The following ATP9B variants were observed in gnomAD, a reference collection of about 807,000 sequenced individuals.
ATP9B encodes probable phospholipid-transporting ATPase IIB.
In ATP9B, 110 loss-of-function variants were observed where a neutral mutation model predicts 146.1. The observed-to-expected ratio is 0.75, with a 90% CI of 0.65 to 0.88. The LOEUF (loss-of-function observed/expected upper bound fraction) is 0.88, where lower values mean the gene tolerates loss of function less well. Among genes scored for constraint, ATP9B ranks in the 40% least tolerant of loss-of-function variants. ATP9B has a pLI of 0.00. For missense variants in ATP9B, 1,499 were observed against 1,496.4 expected, an observed-to-expected ratio of 1.00 and a Z score of -0.03; for synonymous variants, 604 against 569.7, an observed-to-expected ratio of 1.06 and a Z score of -0.86.
At chr18:79,240,007 G>A (rs2095874350) in intron 11 of ATP9B, among the ~76,000 whole-genome samples, 1 of 152,180 alleles carries the variant, frequency 6.6e-6, no homozygotes, top group East Asian at 1.9e-4. Flanking sequence ...GCAGTCCCAA[G>A]CTTGCCTGCG....
At chr18:79,168,153 A>T (rs558260589) in intron 7 of ATP9B, among the ~76,000 whole-genome samples, 1 of 152,152 alleles carries the variant, frequency 6.6e-6, no homozygotes, top group Non-Finnish European at 1.5e-5. Flanking sequence ...CATCACATTG[A>T]CCAGAAAGTG....
intron 11 of ATP9B, among the ~76,000 whole-genome samples, chr18:79,222,048 C>T (rs2095685444): frequency 6.6e-6 from 1 of 152,076 alleles, no homozygotes; most frequent in African/African-American, 2.4e-5. Flanking sequence ...CTTGCCTATC[C>T]TGTAGTTACA....
rs551530672 is a variant in ATP9B, at chr18:79,330,938, A to G, written c.2028+834A>G. 3.3e-5 allele frequency among the ~76,000 whole-genome samples: 5 copies of G among 152,352 alleles called. No homozygotes were observed. In the East Asian group the frequency reaches 9.6e-4, roughly 29 times the overall value. On this transcript the variant is annotated intron_variant, in intron 17 of 29. Transcript: ENST00000426216. ...TTGCAAGATTTTCTTTAGAATTTTA[A>G]CCTAATGCTAATTTGTGCATAAGGT...
At chr18:79,289,569 T>A (rs966070155) in intron 13 of ATP9B, among the ~76,000 whole-genome samples, 1 of 152,236 alleles carries the variant, frequency 6.6e-6, no homozygotes, top group Admixed American at 6.5e-5. Context: ...AATTTCCTCC[T>A]GTAGCTCAGA....
At chr18:79,307,968 A>C (rs941311276) in intron 15 of ATP9B, among the ~76,000 whole-genome samples, 5 of 152,184 alleles carry the variant, frequency 3.3e-5, no homozygotes, top group Non-Finnish European at 7.4e-5. Flanking sequence ...TCATATACAT[A>C]AATAATTGGT....
At chr18:79,330,285 A>G (rs541207286) in intron 17 of ATP9B, among the ~76,000 whole-genome samples, 181 bp downstream of exon 17, 1 of 152,336 alleles carries the variant, frequency 6.6e-6, no homozygotes, top group Admixed American at 6.5e-5. Flanking sequence ...CAAAATGTCA[A>G]ACCAGATGCT....
intron 13 of ATP9B, among the ~76,000 whole-genome samples, chr18:79,293,162 G>T (rs1467601254): frequency 6.6e-6 from 1 of 150,678 alleles, no homozygotes; most frequent in Non-Finnish European, 1.5e-5. Flanking sequence ...AAATGAAGTT[G>T]GATACTTATC....
At chr18:79,288,006 T>C (rs889337210) in intron 13 of ATP9B, among the ~76,000 whole-genome samples, 7 of 151,908 alleles carry the variant, frequency 4.6e-5, no homozygotes, top group African/African-American at 1.7e-4. Context: ...TTCTGTTCTT[T>C]TACATTTGCT....
chr18:79,308,656 T>C (rs112599594), intron 15 of ATP9B, among the ~76,000 whole-genome samples: 298 of 123,700 alleles, frequency 2.4e-3, no homozygotes, highest in Middle Eastern at 9.2e-3. Context: ...TGATCCCCAG[T>C]AGGTAGAAGG....
At chr18:79,132,273 T>C (rs1355497430) in intron 5 of ATP9B, among the ~76,000 whole-genome samples, 1 of 152,346 alleles carries the variant, frequency 6.6e-6, no homozygotes, top group South Asian at 2.1e-4. Flanking sequence ...TTAGCCATCA[T>C]TGCTGGTCAT....
intron 9 of ATP9B, among the ~76,000 whole-genome samples, chr18:79,205,328 T>A (rs7231432): frequency 1.4e-4 from 9 of 64,550 alleles, no homozygotes; most frequent in Non-Finnish European, 2.8e-4. Context: ...GCAAATATCT[T>A]CCAAGTAATG....
chr18:79,134,078 T>A (rs1482547812), intron 5 of ATP9B, among the ~76,000 whole-genome samples: 1 of 152,210 alleles, frequency 6.6e-6, no homozygotes, highest in African/African-American at 2.4e-5. Context: ...ACTCTCCAGC[T>A]CCCTGTGGCC....
chr18:79,214,119 C>A, intron 11 of ATP9B, 81 bp downstream of exon 11: 1 of 947,936 alleles, frequency 1.1e-6, no homozygotes, highest in Admixed American at 3.2e-5. Flanking sequence ...CTGAATAGCT[C>A]ATTCTTTTGG....
intron 1 of ATP9B, among the ~76,000 whole-genome samples, chr18:79,070,437 G>A (rs896340140): frequency 6.6e-6 from 1 of 152,170 alleles, no homozygotes; most frequent in Non-Finnish European, 1.5e-5. Context: ...CTCAAGCCAT[G>A]GTTTCCTCAT....
At chr18:79,158,748 G>T (rs117607799) in intron 7 of ATP9B, among the ~76,000 whole-genome samples, 1 of 152,138 alleles carries the variant, frequency 6.6e-6, no homozygotes, top group African/African-American at 2.4e-5. Flanking sequence ...TGTGAAAAAT[G>T]TCCTAACATA....
At chr18:79,238,221 A>G (rs2051425738) in intron 11 of ATP9B, among the ~76,000 whole-genome samples, 1 of 151,614 alleles carries the variant, frequency 6.6e-6, no homozygotes, top group Non-Finnish European at 1.5e-5. Flanking sequence ...GAAATTTACC[A>G]TGACTGGATA....
rs202092184 is a variant in ATP9B, at chr18:79,345,848, G to A, written c.2682+9G>A. ...TTGGGATTGAGGGAAAGGTAGGTTC[G>A]CCCTTTTATCAACACATTAGCACAC... On this transcript the variant is annotated intron_variant, in intron 23 of 29. Coordinates refer to ENST00000426216, the MANE Select transcript of ATP9B (RefSeq NM_198531.5). 1.5e-4 allele frequency: 235 copies of A among 1,614,064 alleles called. 1 individual carries two copies. In the African/African-American group the frequency reaches 2.5e-3, roughly 17 times the overall value.
intron 1 of ATP9B, 127 bp from the exon 2 acceptor site, chr18:79,096,349 A>G: frequency 2.3e-6 from 2 of 865,250 alleles, no homozygotes; most frequent in Non-Finnish European, 3.6e-6. Context: ...CAGCCTCTGC[A>G]GTCTTATTTA....
rs187752734 is a variant in ATP9B, at chr18:79,223,457, T to C, written c.1107+9419T>C. ...CTTATTTTAAAATGTGCCCATGTGC[T>C]TCACCAAAGAGCTACATATTGTAGA... On this transcript the variant is annotated intron_variant, in intron 11 of 29. Transcript: ENST00000426216. Among the ~76,000 whole-genome samples the C allele has an allele frequency of 7.9e-5, 12 of 152,344 alleles. No individual in the cohort carries two copies. In the East Asian group the frequency reaches 2.3e-3, roughly 29 times the overall value.
Sources: allele counts gnomAD v4.1 joint callset (sites outside exome capture counted in the v4.1 genomes callset), GRCh38; gene constraint gnomAD v4.1.1; transcripts MANE v1.5; gene names NCBI Gene and HGNC (gene_info 2026-07-23, HGNC 2026-07-21).